CCNJL: variants seen among roughly 807,000 people sequenced by gnomAD.
CCNJL encodes cyclin J like, also known as cyclin-J-like protein.
Under a neutral mutation model 33.4 loss-of-function variants are expected in CCNJL, and 33 were observed. That is an observed-to-expected ratio of 0.99 (90% confidence interval 0.75 to 1.32). The LOEUF (loss-of-function observed/expected upper bound fraction) is 1.32, where lower values mean the gene tolerates loss of function less well. Ranked by LOEUF, CCNJL falls within the 40% of genes most tolerant of loss-of-function variation. The probability of loss-of-function intolerance (pLI) is 0.00; values close to 1 mark genes in which losing one functional copy is unlikely to be tolerated. For missense variants in CCNJL, 512 were observed against 499.7 expected (o/e 1.02, Z -0.23); for synonymous variants, 227 against 220.9 (o/e 1.03, Z -0.24).
At chr5:160,256,301 T>C (rs890332365) in intron 4 of CCNJL, among the ~76,000 whole-genome samples, 6 of 152,208 alleles carry the variant, frequency 3.9e-5, no homozygotes, top group African/African-American at 7.2e-5. Flanking sequence ...TGCAAAACAT[T>C]TGTCCTTTCT....
chr5:160,266,702 T>C (rs1761603778), intron 3 of CCNJL, among the ~76,000 whole-genome samples: 1 of 152,304 alleles, frequency 6.6e-6, no homozygotes, highest in Middle Eastern at 3.4e-3. Context: ...TTGAACATGG[T>C]ATTCTTTGCA....
At position 160,249,410 on chromosome 5, in the gene CCNJL, A is replaced by AT. The variant is rs1392251168; in HGVS notation, c.*3967dup. 1 of 152,182 alleles carries AT rather than the reference A, an allele frequency of 6.6e-6. No individual in the cohort carries two copies. Among genetic ancestry groups the AT allele is most frequent in the Non-Finnish European group, 1.5e-5 (1 of 68,036 alleles). The allele number at this position is 152,182 out of a possible 1,614,324, so 9.4% of individuals were successfully genotyped here. ...TCATATTTACTGGCAAATACAGGTAATTTCTGTGTACTTTGAGATAATTCT... is the reference window on the plus strand; with the variant it reads ...TCATATTTACTGGCAAATACAGGTAATTTTCTGTGTACTTTGAGATAATTCT... On this transcript the variant is annotated 3_prime_UTR_variant, in exon 6 of 6. Transcript: ENST00000257536.
intron 2 of CCNJL, among the ~76,000 whole-genome samples, chr5:160,289,083 A>G (rs1214918006): frequency 1.3e-5 from 2 of 152,130 alleles, no homozygotes; most frequent in African/African-American, 2.4e-5. Context: ...GATTTTGGGC[A>G]TGTGGGCTGT....
intron 2 of CCNJL, among the ~76,000 whole-genome samples, chr5:160,309,945 A>G (rs1355472289): frequency 6.6e-6 from 1 of 152,214 alleles, no homozygotes. Flanking sequence ...TGACATGGCT[A>G]TAGCAGTTCA....
At chr5:160,309,525 T>C (rs1273594952) in intron 2 of CCNJL, among the ~76,000 whole-genome samples, 1 of 152,244 alleles carries the variant, frequency 6.6e-6, no homozygotes, top group Non-Finnish European at 1.5e-5. Flanking sequence ...TGTTCTACAG[T>C]GTTAGAAACA....
At chr5:160,267,944 C>G (rs1298462786) in intron 3 of CCNJL, among the ~76,000 whole-genome samples, 1 of 152,172 alleles carries the variant, frequency 6.6e-6, no homozygotes, top group Non-Finnish European at 1.5e-5. Context: ...CACTAAAGAG[C>G]TATATGATCA....
At chr5:160,296,943 G>C (rs1032284590) in intron 2 of CCNJL, among the ~76,000 whole-genome samples, 6 of 152,136 alleles carry the variant, frequency 3.9e-5, no homozygotes, top group African/African-American at 1.4e-4. Context: ...ATGTGGGCTT[G>C]GGTAAGGTAT....
chr5:160,299,620 A>C (rs1762861942), intron 2 of CCNJL, among the ~76,000 whole-genome samples: 1 of 152,084 alleles, frequency 6.6e-6, no homozygotes, highest in South Asian at 2.1e-4. Context: ...GTTAAAAAAA[A>C]AAAAAGCCCT....
chr5:160,270,479 G>A (rs988852908), intron 3 of CCNJL, among the ~76,000 whole-genome samples: 2 of 152,008 alleles, frequency 1.3e-5, no homozygotes, highest in African/African-American at 2.4e-5. Context: ...TGGTGGTATG[G>A]ACGCGCCTGT....
chr5:160,330,998 T>G (rs1260531002), intron 1 of CCNJL, among the ~76,000 whole-genome samples: 1 of 152,050 alleles, frequency 6.6e-6, no homozygotes, highest in Non-Finnish European at 1.5e-5. Flanking sequence ...TCCAAACAGA[T>G]AGATGGACCT....
At chr5:160,274,203 A>C (rs2113320199) in intron 3 of CCNJL, among the ~76,000 whole-genome samples, 1 of 152,118 alleles carries the variant, frequency 6.6e-6, no homozygotes, top group South Asian at 2.1e-4. Context: ...TCACGTTTGT[A>C]ATCCCAGCAC....
At chr5:160,324,654 A>G (rs1048837029) in intron 1 of CCNJL, among the ~76,000 whole-genome samples, 24 of 124,924 alleles carry the variant, frequency 1.9e-4, no homozygotes, top group Non-Finnish European at 8.7e-5. Flanking sequence ...TAATAAATAT[A>G]TATTTAGAAT....
chr5:160,327,026 T>A (rs554448263), intron 1 of CCNJL: 6 of 441,486 alleles, frequency 1.4e-5, no homozygotes, highest in African/African-American at 1.2e-4. Flanking sequence ...TGTTTTTAGA[T>A]GTTTTTTGTC....
intron 2 of CCNJL, 29 bp downstream of exon 2, chr5:160,311,829 G>C (rs756003149): frequency 2.5e-6 from 4 of 1,605,118 alleles, no homozygotes; most frequent in Non-Finnish European, 2.6e-6. Context: ...ACCCAGTCTT[G>C]AGAGTGACAA....
In CCNJL at chr5:160,309,968, T is replaced by C. The variant is rs536865785; in HGVS notation, c.66+1890A>G. On this transcript the variant is annotated intron_variant, in intron 2 of 5. Coordinates refer to ENST00000257536, the MANE Select transcript of CCNJL (RefSeq NM_001308173.3). ...CTATAGCAGTTCATGGAGCCTTTCT[T>C]GCTTCTTTGAGCAGCCGAAGGAACA... Among the ~76,000 whole-genome samples, 3 of 152,024 alleles carry C rather than the reference T, an allele frequency of 2.0e-5. No homozygotes were observed. The East Asian group carries it at 5.8e-4, about 29-fold the overall frequency.
chr5:160,288,733 G>A (rs1265052702), intron 2 of CCNJL, among the ~76,000 whole-genome samples: 1 of 151,072 alleles, frequency 6.6e-6, no homozygotes, highest in Non-Finnish European at 1.5e-5. Flanking sequence ...TAGAGGCTGA[G>A]GCAGGAGAAT....
rs1373872216 is a variant in CCNJL at position 160,280,525 on chromosome 5, T to A, written c.280A>T (p.Ser94Cys). The change falls in exon 3 of 6, where the codon AGT becomes TGT. Residue 94 changes from serine (S) to cysteine (C), a missense_variant and splice_region_variant. Transcript: ENST00000257536. ...TVAVSCLLLA[S>C]KFEDREDHVP... is the part of the protein sequence containing the mutation. ...GAGGAAGACGTAGGTTTTCGCTTAC[T>A]TGCAAGCAGGAGGCAGGAGACGGCC... 1 of 1,611,864 alleles carries A rather than the reference T, an allele frequency of 6.2e-7. No individual in the cohort carries two copies. The highest frequency in any genetic ancestry group is 1.3e-5 in the African/African-American group (1 of 75,042).
intron 2 of CCNJL, among the ~76,000 whole-genome samples, chr5:160,303,718 GTGTGTGTGTC>G (rs58542192): frequency 0.19 from 23,432 of 122,478 alleles, 2,018 homozygotes; most frequent in Non-Finnish European, 0.21. Context: ...GTGTGTGTGT[GTGTGTGTGTC>G]TGTGTGTGTG....
rs779182718 is a variant in CCNJL at position 160,251,923 on chromosome 5, T to G, written c.*1455A>C. 2 of 152,232 alleles carry G rather than the reference T, an allele frequency of 1.3e-5. No individual in the cohort carries two copies. Among genetic ancestry groups the G allele is most frequent in the Admixed American group, 6.5e-5 (1 of 15,278 alleles). The allele number at this position is 152,232 out of a possible 1,614,324, so 9.4% of individuals were successfully genotyped here. On this transcript the variant is annotated 3_prime_UTR_variant, in exon 6 of 6. Transcript: ENST00000257536. ...TCTTACTGTCTCCATGCTGAGATTT[T>G]CAGCTGCTCTGGAAAGATTCACCAC...
Sources: gnomAD v4.1 joint callset for allele counts (sites outside exome capture counted in the v4.1 genomes callset) on GRCh38, gnomAD v4.1.1 for gene constraint, MANE v1.5 for transcripts, NCBI Gene and HGNC (gene_info 2026-07-23, HGNC 2026-07-21) for gene names.